SCN8A: variants seen among roughly 807,000 people sequenced by gnomAD.
SCN8A encodes sodium voltage-gated channel alpha subunit 8.
In SCN8A, 30 loss-of-function variants were observed where a neutral mutation model predicts 184.1. The observed-to-expected ratio is 0.16, with a 90% CI of 0.12 to 0.22. SCN8A has a LOEUF of 0.22. Ranked by LOEUF, SCN8A falls within the 10% of genes least tolerant of loss-of-function variation. The pLI is 1.00. For missense variants in SCN8A, 1,057 were observed against 2,498.9 expected (o/e 0.42, Z 12.30); for synonymous variants, 852 against 907.0 (o/e 0.94, Z 1.09).
intron 9 of SCN8A, among the ~76,000 whole-genome samples, chr12:51,703,992 A>C (rs1024076273): frequency 6.6e-6 from 1 of 151,948 alleles, no homozygotes; most frequent in Non-Finnish European, 1.5e-5. Flanking sequence ...TGCAGCCTCC[A>C]AACAATTCTC....
chr12:51,689,601 T>C (rs1437282947), intron 6 of SCN8A: 1 of 154,832 alleles, frequency 6.5e-6, no homozygotes, highest in African/African-American at 2.4e-5. Flanking sequence ...CAGAGACAAA[T>C]TTAAGAGACT....
Position 51,780,265 on chromosome 12 carries a change from G to A in SCN8A, c.3820-384G>A, listed in dbSNP as rs1311137843. ...TCTGGGACCTGCAGAGACTGTAAAG[G>A]GCGAGGGTAAGGCTCTTGTCGTCTG... is the stretch of plus-strand genomic sequence containing the variant. On this transcript the variant is annotated intron_variant, in intron 20 of 26. Transcript: ENST00000627620. The A allele has an allele frequency of 4.4e-6, 2 of 455,988 alleles. 1 individual carries two copies. The highest frequency in any genetic ancestry group is 4.7e-5 in the Admixed American group (2 of 42,506). 28.2% of individuals were successfully genotyped at this position (455,988 alleles called of 1,614,324 possible).
At chr12:51,627,602 G>C (rs1940107874) in intron 1 of SCN8A, among the ~76,000 whole-genome samples, 1 of 152,078 alleles carries the variant, frequency 6.6e-6, no homozygotes, top group Admixed American at 6.6e-5. Flanking sequence ...GGGTGGTCTC[G>C]ATCTCCTGAC....
chr12:51,641,575 T>C (rs992078352), intron 1 of SCN8A, among the ~76,000 whole-genome samples: 1 of 152,222 alleles, frequency 6.6e-6, no homozygotes, highest in African/African-American at 2.4e-5. Flanking sequence ...TGGAAAGTAG[T>C]TGTGAAAGCG....
chr12:51,674,678 A>G (rs1655538987), intron 2 of SCN8A, among the ~76,000 whole-genome samples: 1 of 152,190 alleles, frequency 6.6e-6, no homozygotes, highest in African/African-American at 2.4e-5. Flanking sequence ...TTTGGAGCCA[A>G]AGAGCTGAAG....
intron 2 of SCN8A, among the ~76,000 whole-genome samples, chr12:51,672,378 C>T (rs750487844): frequency 2.6e-5 from 4 of 152,176 alleles, no homozygotes; most frequent in Admixed American, 1.3e-4. Flanking sequence ...AACCTCTCTG[C>T]AGTGTTTGAC....
rs147494787 is a variant in SCN8A at position 51,655,118 on chromosome 12, C to T, written c.-54-7646C>T. On this transcript the variant is annotated intron_variant, in intron 1 of 26. Transcript: ENST00000627620. The stretch of plus-strand genomic sequence containing the variant: ...TTTGCTGTGTCGGCCAGGCTGGTTT[C>T]GAACTCCTGGCCTCAAATGATCTGC... Among the ~76,000 whole-genome samples, 88 of 152,084 alleles carry T rather than the reference C, an allele frequency of 5.8e-4. No individual in the cohort carries two copies. In the Middle Eastern group the frequency reaches 0.01, roughly 18 times the overall value.
At chr12:51,699,507 G>C in intron 6 of SCN8A, 63 bp from the exon 7 acceptor site, 1 of 1,285,822 alleles carries the variant, frequency 7.8e-7, no homozygotes, top group South Asian at 1.4e-5. Flanking sequence ...GGCTAAGAGG[G>C]AGGCTTGGGG....
chr12:51,633,844 T>C (rs1479537749), intron 1 of SCN8A, among the ~76,000 whole-genome samples: 1 of 152,250 alleles, frequency 6.6e-6, no homozygotes, highest in African/African-American at 2.4e-5. Flanking sequence ...TATAATTGTA[T>C]TTAAGAACTA....
intron 12 of SCN8A, among the ~76,000 whole-genome samples, chr12:51,741,629 C>T (rs905359307): frequency 1.5e-4 from 23 of 151,884 alleles, no homozygotes; most frequent in African/African-American, 1.4e-4. Context: ...TTTGTGTATC[C>T]GTTGTGTGTT....
intron 1 of SCN8A, 114 bp from the exon 2 acceptor site, chr12:51,662,650 C>T: frequency 1.5e-6 from 1 of 652,856 alleles, no homozygotes; most frequent in Non-Finnish European, 2.6e-6. Flanking sequence ...ATGGAAGAAA[C>T]TATGTGTTTT....
At chr12:51,677,324 G>C (rs149431501) in intron 2 of SCN8A, among the ~76,000 whole-genome samples, 37 of 152,090 alleles carry the variant, frequency 2.4e-4, no homozygotes, top group Non-Finnish European at 5.1e-4. Context: ...CTGGGCTCAA[G>C]CGATCTTCCC....
chr12:51,728,361 T>C (rs1268445986), intron 12 of SCN8A, among the ~76,000 whole-genome samples: 1 of 152,176 alleles, frequency 6.6e-6, no homozygotes, highest in African/African-American at 2.4e-5. Flanking sequence ...CAGCCTGTTA[T>C]AAGTCAAACT....
Position 51,751,378 on chromosome 12 carries a change from T to C in SCN8A, c.2155T>C (p.Cys719Arg). ...AGAACTGGAAGAGTCTCAGAGAAAGTGCCCGCCATGCTGGTATAAATTTGC... is the reference window on the plus strand; with the variant it reads ...AGAACTGGAAGAGTCTCAGAGAAAGCGCCCGCCATGCTGGTATAAATTTGC... ...VEELEESQRKCPPCWYKFANT... is the reference protein window; with the variant it reads ...VEELEESQRKRPPCWYKFANT... Residue 719 changes from cysteine (C) to arginine (R), a missense_variant, in exon 14 of 27, where the codon TGC (cysteine) becomes CGC (arginine). Physicochemically the swap from Cys to Arg is radical, Grantham distance 180 (BLOSUM62 -3). Coordinates refer to ENST00000627620, the MANE Select transcript of SCN8A (RefSeq NM_001330260.2). 1 of 1,613,668 alleles carries C rather than the reference T, an allele frequency of 6.2e-7. No homozygotes were observed. The highest frequency in any genetic ancestry group is 8.5e-7 in the Non-Finnish European group (1 of 1,179,670).
chr12:51,694,661 T>A (rs1434168363), intron 6 of SCN8A, among the ~76,000 whole-genome samples: 5 of 152,200 alleles, frequency 3.3e-5, no homozygotes, highest in African/African-American at 9.7e-5. Context: ...CTGTTTTGGA[T>A]AATTGGTTTT....
chr12:51,646,181 G>C, intron 1 of SCN8A, among the ~76,000 whole-genome samples: 1 of 151,982 alleles, frequency 6.6e-6, no homozygotes, highest in East Asian at 1.9e-4. Context: ...AGTCACTCTT[G>C]GGACAGGTAG....
At chr12:51,632,610 T>C (rs969542006) in intron 1 of SCN8A, among the ~76,000 whole-genome samples, 1 of 152,350 alleles carries the variant, frequency 6.6e-6, no homozygotes, top group East Asian at 1.9e-4. Flanking sequence ...GGCTGACACC[T>C]GAACCACACT....
intron 1 of SCN8A, among the ~76,000 whole-genome samples, chr12:51,606,636 A>G (rs1039799674): frequency 6.6e-6 from 1 of 151,882 alleles, no homozygotes. Context: ...TGATGGTGGC[A>G]TTTTTGTGGG....
intron 2 of SCN8A, among the ~76,000 whole-genome samples, chr12:51,675,940 G>A (rs1279802479): frequency 2.6e-5 from 4 of 152,108 alleles, no homozygotes; most frequent in African/African-American, 9.7e-5. Flanking sequence ...CTGCCACATA[G>A]TAAATGCTTA....
Sources: gnomAD v4.1 joint callset for allele counts (sites outside exome capture counted in the v4.1 genomes callset) on GRCh38, gnomAD v4.1.1 for gene constraint, MANE v1.5 for transcripts, NCBI Gene and HGNC (gene_info 2026-07-23, HGNC 2026-07-21) for gene names.